ROBO2: variants seen among roughly 807,000 people sequenced by gnomAD.
The protein encoded by ROBO2 is roundabout guidance receptor 2.
ROBO2 carries 53 observed loss-of-function variants against 160.8 expected under a neutral mutation model. The observed-to-expected ratio is 0.33, with a 90% CI of 0.26 to 0.41. The LOEUF (loss-of-function observed/expected upper bound fraction) is 0.41. Among genes scored for constraint, ROBO2 ranks in the 10% least tolerant of loss-of-function variants. The pLI, the probability that ROBO2 is intolerant of heterozygous loss-of-function variation, is 1.00. For synonymous variants in ROBO2, 664 were observed against 611.7 expected (o/e 1.09, Z -1.26); for missense variants, 1,577 against 1,722.4 (o/e 0.92, Z 1.49).
At chr3:75,952,747 A>G (rs1337989832) in intron 2 of ROBO2, among the ~76,000 whole-genome samples, 3 of 151,980 alleles carry the variant, frequency 2.0e-5, no homozygotes, top group Non-Finnish European at 2.9e-5. Context: ...GTCATACAGA[A>G]TAGTGGATTC....
At chr3:76,315,538 A>G (rs943952730) in intron 2 of ROBO2, among the ~76,000 whole-genome samples, 5 of 152,162 alleles carry the variant, frequency 3.3e-5, no homozygotes, top group Admixed American at 3.3e-4. Context: ...TCTTATCTGC[A>G]TGGTCCCATC....
chr3:77,390,358 T>C (rs1183616029), intron 2 of ROBO2, among the ~76,000 whole-genome samples: 1 of 152,194 alleles, frequency 6.6e-6, no homozygotes, highest in Admixed American at 6.5e-5. Flanking sequence ...AATCTCATCT[T>C]GAACTGTAGC....
At chr3:76,239,736 C>T (rs2107509283) in intron 2 of ROBO2, among the ~76,000 whole-genome samples, 1 of 152,258 alleles carries the variant, frequency 6.6e-6, no homozygotes, top group South Asian at 2.1e-4. Flanking sequence ...TTGACACTTA[C>T]CTAAATCCTG....
At chr3:76,008,221 C>G (rs1559826755) in intron 2 of ROBO2, among the ~76,000 whole-genome samples, 1 of 91,564 alleles carries the variant, frequency 1.1e-5, no homozygotes, top group African/African-American at 4.6e-5. Flanking sequence ...AGTGACAGAG[C>G]AAGACTCTGT....
chr3:76,717,047 A>G (rs1327082710), intron 2 of ROBO2, among the ~76,000 whole-genome samples: 1 of 152,276 alleles, frequency 6.6e-6, no homozygotes, highest in East Asian at 1.9e-4. Flanking sequence ...AACCGTGTTG[A>G]TGTGAAGGTG....
At chr3:75,921,562 A>G (rs920588212) in intron 1 of ROBO2, among the ~76,000 whole-genome samples, 1 of 152,130 alleles carries the variant, frequency 6.6e-6, no homozygotes, top group African/African-American at 2.4e-5. Context: ...TAGAATCAGA[A>G]TCAGGTCAGA....
At chr3:77,581,236 T>C (rs1170376728) in intron 16 of ROBO2, among the ~76,000 whole-genome samples, 1 of 152,144 alleles carries the variant, frequency 6.6e-6, no homozygotes, top group Non-Finnish European at 1.5e-5. Context: ...TCCATGTATA[T>C]GTGTTACAAA....
intron 2 of ROBO2, among the ~76,000 whole-genome samples, chr3:76,555,409 A>G (rs1190714485): frequency 1.7e-3 from 122 of 72,282 alleles, no homozygotes; most frequent in African/African-American, 3.5e-3. Context: ...GAAGAAGAAG[A>G]AGAAGAAGAA....
At chr3:76,427,231 A>G (rs902106666) in intron 2 of ROBO2, among the ~76,000 whole-genome samples, 29 of 150,564 alleles carry the variant, frequency 1.9e-4, no homozygotes, top group African/African-American at 6.8e-4. Context: ...TTTATTATGC[A>G]TTCTGGTGAA....
intron 2 of ROBO2, among the ~76,000 whole-genome samples, chr3:77,353,331 G>T (rs866531108): frequency 6.6e-6 from 1 of 152,146 alleles, no homozygotes; most frequent in Non-Finnish European, 1.5e-5. Context: ...TTATATCACC[G>T]TTCCTTGTTT....
At chr3:76,797,784 A>G (rs1212694451) in intron 2 of ROBO2, among the ~76,000 whole-genome samples, 3 of 152,010 alleles carry the variant, frequency 2.0e-5, no homozygotes, top group Non-Finnish European at 2.9e-5. Flanking sequence ...AGAGACTACT[A>G]TGAGAAACTA....
intron 2 of ROBO2, among the ~76,000 whole-genome samples, chr3:76,040,248 C>A (rs1027001898): frequency 8.6e-5 from 13 of 151,586 alleles, no homozygotes; most frequent in Non-Finnish European, 1.6e-4. Flanking sequence ...TATTTATAAA[C>A]CTTTATAACT....
At chr3:76,192,520 T>G (rs1702056742) in intron 2 of ROBO2, among the ~76,000 whole-genome samples, 1 of 125,836 alleles carries the variant, frequency 7.9e-6, no homozygotes, top group Non-Finnish European at 1.6e-5. Context: ...CGTCCAACAC[T>G]CCACCACACA....
At chr3:76,403,576 A>G (rs1467969953) in intron 2 of ROBO2, among the ~76,000 whole-genome samples, 3 of 151,476 alleles carry the variant, frequency 2.0e-5, no homozygotes, top group Non-Finnish European at 3.0e-5. Flanking sequence ...CTTCTTAACC[A>G]CAATGTTTAC....
chr3:77,099,071 CTTTTT>C (rs750626067), intron 2 of ROBO2, among the ~76,000 whole-genome samples: 6,758 of 121,228 alleles, frequency 0.056, 151 homozygotes, highest in Middle Eastern at 0.15. Context: ...TTCTTTCTTT[CTTTTT>C]TTTTTTTTTT....
intron 2 of ROBO2, among the ~76,000 whole-genome samples, chr3:76,840,880 A>T (rs1395739689): frequency 6.6e-6 from 1 of 151,924 alleles, no homozygotes; most frequent in African/African-American, 2.4e-5. Context: ...CAATTGAGAA[A>T]ACAACCTCCA....
At chr3:76,945,528 C>A (rs1309995128) in intron 2 of ROBO2, among the ~76,000 whole-genome samples, 1 of 152,182 alleles carries the variant, frequency 6.6e-6, no homozygotes, top group Non-Finnish European at 1.5e-5. Flanking sequence ...TTCTTCCCCA[C>A]CCCAAACACA....
intron 2 of ROBO2, among the ~76,000 whole-genome samples, chr3:76,842,393 T>C (rs1165590568): frequency 1.3e-5 from 2 of 152,164 alleles, no homozygotes; most frequent in Non-Finnish European, 2.9e-5. Flanking sequence ...TAGTCCTGTG[T>C]CACAGATGAC....
Position 76,143,868 on chromosome 3 carries a change from G to A in ROBO2, c.109+206266G>A, listed in dbSNP as rs902937161. On this transcript the variant is annotated intron_variant, in intron 2 of 26. Coordinates refer to the ROBO2 transcript ENST00000487694. ...CTGAGTTTGAAGGCCTCGGGGCCAG[G>A]AGATTGTGTGGCGTTAGTTCCACTG... is the stretch of plus-strand genomic sequence containing the variant. Among the ~76,000 whole-genome samples, 15 of 152,188 alleles carry A rather than the reference G, an allele frequency of 9.9e-5. No individual in the cohort carries two copies. The East Asian group carries it at 1.4e-3, about 14-fold the overall frequency.
Sources: gnomAD v4.1 joint callset for allele counts (sites outside exome capture counted in the v4.1 genomes callset) on GRCh38, gnomAD v4.1.1 for gene constraint, MANE v1.5 for transcripts, NCBI Gene and HGNC (gene_info 2026-07-23, HGNC 2026-07-21) for gene names.